STK3: variants seen among roughly 807,000 people sequenced by gnomAD.
STK3 encodes serine/threonine kinase 3, also known as serine/threonine-protein kinase 3.
A neutral mutation model predicts 58.0 loss-of-function variants in STK3; 41 were observed. The observed-to-expected ratio is 0.71, with a 90% confidence interval of 0.55 to 0.92. The LOEUF is 0.92. Ranked by LOEUF, STK3 falls within the 40% of genes least tolerant of loss-of-function variation. STK3 has a pLI of 0.00. For synonymous variants in STK3, 170 were observed against 191.0 expected (o/e 0.89, Z 0.91); for missense variants, 479 against 602.7 (o/e 0.79, Z 2.15).
intron 8 of STK3, among the ~76,000 whole-genome samples, chr8:98,560,770 C>T (rs1037996221): frequency 1.3e-5 from 2 of 152,124 alleles, no homozygotes; most frequent in Non-Finnish European, 2.9e-5. Flanking sequence ...AAGAGGCTCA[C>T]ACCTGTAATC....
At chr8:98,404,072 A>C (rs941652018) in intron 3 of STK3, among the ~76,000 whole-genome samples, 1 of 152,232 alleles carries the variant, frequency 6.6e-6, no homozygotes, top group Admixed American at 6.5e-5. Context: ...GAGTTTATGC[A>C]CTGAATTTAG....
intron 10 of STK3, among the ~76,000 whole-genome samples, chr8:98,496,051 C>T (rs1823108390): frequency 6.6e-6 from 1 of 152,058 alleles, no homozygotes; most frequent in African/African-American, 2.4e-5. Context: ...ATTTATAATG[C>T]TGAATAGTTA....
At chr8:98,694,270 T>A (rs546654584) in intron 6 of STK3, among the ~76,000 whole-genome samples, 10 of 152,328 alleles carry the variant, frequency 6.6e-5, no homozygotes, top group African/African-American at 1.9e-4. Flanking sequence ...TCCTTATGTT[T>A]GAAAATATCT....
chr8:98,868,804 A>G (rs1466262537), intron 3 of STK3, among the ~76,000 whole-genome samples: 1 of 151,690 alleles, frequency 6.6e-6, no homozygotes, highest in East Asian at 1.9e-4. Context: ...CCTTGTCTCT[A>G]CTAAAAATAA....
At chr8:98,449,842 G>C (rs1271679745), downstream of STK3, among the ~76,000 whole-genome samples, 2 of 152,078 alleles carry the variant, frequency 1.3e-5, no homozygotes, top group Non-Finnish European at 1.5e-5. Flanking sequence ...GAGTGAATGG[G>C]CTATTCTAAA....
At chr8:98,385,993 A>G (rs1817788018) in intron 1 of STK3, among the ~76,000 whole-genome samples, 1 of 152,148 alleles carries the variant, frequency 6.6e-6, no homozygotes, top group Non-Finnish European at 1.5e-5. Flanking sequence ...TTAAATTGAG[A>G]GTAATAAGAA....
At chr8:98,824,994 A>G (rs1439738721) in intron 1 of STK3, among the ~76,000 whole-genome samples, 1 of 152,240 alleles carries the variant, frequency 6.6e-6, no homozygotes, top group African/African-American at 2.4e-5. Context: ...GTATGCATAC[A>G]TTTCCAACAC....
intron 3 of STK3, among the ~76,000 whole-genome samples, chr8:98,426,715 G>A (rs984091703): frequency 2.0e-4 from 31 of 152,132 alleles, no homozygotes; most frequent in African/African-American, 6.8e-4. Context: ...CCCAGCTCCC[G>A]CCAGACCCAG....
chr8:98,737,532 G>C (rs1379535797), intron 4 of STK3, among the ~76,000 whole-genome samples: 3 of 152,184 alleles, frequency 2.0e-5, no homozygotes, highest in East Asian at 3.8e-4. Context: ...AACAGGGTCA[G>C]AGGAGTAACA....
rs924472922 is a variant in STK3 at position 98,835,166 on chromosome 8, C to G, written c.110+48481G>C. 4.6e-5 allele frequency among the ~76,000 whole-genome samples: 7 copies of G among 152,296 alleles called. No individual in the cohort carries two copies. The East Asian group carries it at 1.3e-3, about 29-fold the overall frequency. On this transcript the variant is annotated intron_variant, in intron 3 of 12. Coordinates refer to the STK3 transcript ENST00000523601. ...GGGCCTAAGAGAGTCATTTTGCATA[C>G]CTCACATAGCTCAGACTACTCTGAG... is the stretch of plus-strand genomic sequence containing the variant.
intron 1 of STK3, among the ~76,000 whole-genome samples, chr8:98,447,672 ATAGT>A (rs1819015665): frequency 6.8e-6 from 1 of 146,882 alleles, no homozygotes; most frequent in Non-Finnish European, 1.5e-5. Context: ...AATACTATAT[ATAGT>A]ATCTATATAT....
intron 10 of STK3, among the ~76,000 whole-genome samples, chr8:98,470,579 G>C (rs1371768115): frequency 6.6e-6 from 1 of 152,242 alleles, no homozygotes; most frequent in African/African-American, 2.4e-5. Flanking sequence ...AAAGAAGGGA[G>C]AGATAACTCT....
chr8:98,590,364 G>A (rs925350360), intron 7 of STK3, among the ~76,000 whole-genome samples: 1 of 152,182 alleles, frequency 6.6e-6, no homozygotes, highest in African/African-American at 2.4e-5. Context: ...CCGTGATGGG[G>A]TAGAGGGCTT....
intron 1 of STK3, among the ~76,000 whole-genome samples, chr8:98,903,554 T>C (rs1189744532): frequency 2.4e-3 from 28 of 11,478 alleles, no homozygotes; most frequent in Non-Finnish European, 2.8e-3. Flanking sequence ...CTTCTTCTTC[T>C]TCCTTTTTTT....
rs563720799 is a variant in STK3 at position 98,854,434 on chromosome 8, G to A, written c.110+29213C>T. On this transcript the variant is annotated intron_variant, in intron 3 of 12. Coordinates refer to the STK3 transcript ENST00000523601. ...GATTACAGGCATGAGCCACCATGCC[G>A]GGCCTAAAACTATTTTTAAAGATGA... Among the ~76,000 whole-genome samples, 452 of 152,010 alleles carry A rather than the reference G, an allele frequency of 3.0e-3. 2 individuals are homozygous for A. Among genetic ancestry groups the A allele is most frequent in the African/African-American group, 1.0e-2 (414 of 41,478 alleles).
At chr8:98,611,069 C>A (rs556820031) in intron 6 of STK3, among the ~76,000 whole-genome samples, 5 of 152,066 alleles carry the variant, frequency 3.3e-5, no homozygotes, top group African/African-American at 1.2e-4. Flanking sequence ...CAAACTGATA[C>A]AAAGAACTGG....
intron 7 of STK3, among the ~76,000 whole-genome samples, chr8:98,584,234 G>A (rs1267549199): frequency 6.6e-6 from 1 of 151,860 alleles, no homozygotes; most frequent in South Asian, 2.1e-4. Flanking sequence ...ATCTCCTAAT[G>A]CTATCCCTCC....
intron 3 of STK3, among the ~76,000 whole-genome samples, chr8:98,851,527 T>A (rs914042277): frequency 6.6e-6 from 1 of 152,148 alleles, no homozygotes; most frequent in African/African-American, 2.4e-5. Context: ...CTAAGGAGTA[T>A]GAAACTGCAT....
Position 98,801,507 on chromosome 8 carries a change from T to C in STK3, c.26+24008A>G, listed in dbSNP as rs1033015487. Among the ~76,000 whole-genome samples, 8 of 152,262 alleles carry C rather than the reference T, an allele frequency of 5.3e-5. No homozygotes were observed. The East Asian group carries it at 1.4e-3, about 26-fold the overall frequency. On this transcript the variant is annotated intron_variant, in intron 1 of 10. Coordinates refer to ENST00000419617, the MANE Select transcript of STK3 (RefSeq NM_006281.4). ...CCTCGAAGGTCTGCAGCTTCACTCC[T>C]GAGGCCAGCGAGACCATGAACCCAC...
Sources: gnomAD v4.1 joint callset for allele counts (sites outside exome capture counted in the v4.1 genomes callset) on GRCh38, gnomAD v4.1.1 for gene constraint, MANE v1.5 for transcripts, NCBI Gene and HGNC (gene_info 2026-07-23, HGNC 2026-07-21) for gene names.